The following LUC7L2 variants were observed in gnomAD, a reference collection of about 807,000 sequenced individuals.
The protein encoded by LUC7L2 is LUC7 like 2, pre-mRNA splicing factor, also known as putative RNA-binding protein Luc7-like 2.
Under a neutral mutation model 52.8 loss-of-function variants are expected in LUC7L2, and 25 were observed. That is an observed-to-expected ratio of 0.47 (90% CI 0.34 to 0.66). The LOEUF (loss-of-function observed/expected upper bound fraction) is 0.66. LUC7L2 is among the 30% of genes least tolerant of loss of function. The pLI, the probability that LUC7L2 is intolerant of heterozygous loss-of-function variation, is 0.01. For synonymous variants in LUC7L2, 144 were observed against 160.9 expected (o/e 0.89, Z 0.80); for missense variants, 328 against 497.8 (o/e 0.66, Z 3.25).
chr7:139,395,880 T>G (rs1794640014), intron 2 of LUC7L2, among the ~76,000 whole-genome samples: 1 of 152,202 alleles, frequency 6.6e-6, no homozygotes. Context: ...ACTCCTGGGC[T>G]TAAGTGATCC....
rs1469840572 is a variant in LUC7L2, at chr7:139,422,571, A to G, written c.*231A>G. 1.2e-6 allele frequency: 1 copy of G among 828,610 alleles called. No individual in the cohort carries two copies. The highest frequency in any genetic ancestry group is 3.3e-5 in the East Asian group (1 of 30,666). The allele number at this position is 828,610 out of a possible 1,614,324, so 51.3% of individuals were successfully genotyped here. On this transcript the variant is annotated 3_prime_UTR_variant, in exon 10 of 10. Transcript: ENST00000354926. Reference sequence around the variant, plus strand: ...TACAGTTCTGAAAGTACAGTTTTATATAATAAGATGCTGATCTCTTTATTC... The same window carrying G: ...TACAGTTCTGAAAGTACAGTTTTATGTAATAAGATGCTGATCTCTTTATTC...
intron 6 of LUC7L2, among the ~76,000 whole-genome samples, 167 bp downstream of exon 6, chr7:139,407,517 G>A (rs1272740070): frequency 6.6e-6 from 1 of 152,108 alleles, no homozygotes; most frequent in Admixed American, 6.5e-5. Context: ...AATGGATGCT[G>A]CCTGAGAAAC....
chr7:139,387,950 A>G (rs1174044550), intron 2 of LUC7L2, among the ~76,000 whole-genome samples: 1 of 151,862 alleles, frequency 6.6e-6, no homozygotes, highest in South Asian at 2.1e-4. Flanking sequence ...TGATTTACTT[A>G]TTGTCGTCTC....
upstream of LUC7L2, chr7:139,359,706 G>C (rs1036173965): frequency 1.0e-5 from 4 of 398,510 alleles, no homozygotes; most frequent in Non-Finnish European, 1.8e-5. Context: ...GGGCGGATCC[G>C]GCTTGCACAG....
intron 3 of LUC7L2, 85 bp downstream of exon 3, chr7:139,398,782 A>T: frequency 7.7e-7 from 1 of 1,291,914 alleles, no homozygotes; most frequent in Non-Finnish European, 1.1e-6. Flanking sequence ...AATAGGAAAA[A>T]CTCTTAGCAG....
intron 2 of LUC7L2, among the ~76,000 whole-genome samples, chr7:139,395,466 A>T (rs1013750116): frequency 2.0e-5 from 3 of 152,208 alleles, no homozygotes; most frequent in Non-Finnish European, 4.4e-5. Context: ...AAATCTCAGC[A>T]TGCTCAGTAA....
intron 1 of LUC7L2, among the ~76,000 whole-genome samples, chr7:139,360,982 A>G (rs1039370796): frequency 1.3e-5 from 2 of 152,230 alleles, no homozygotes; most frequent in Non-Finnish European, 1.5e-5. Flanking sequence ...GGCTTTGTTC[A>G]GTAAATATTG....
At chr7:139,420,931 T>G (rs1048224282) in intron 9 of LUC7L2, among the ~76,000 whole-genome samples, 1 of 152,166 alleles carries the variant, frequency 6.6e-6, no homozygotes, top group Non-Finnish European at 1.5e-5. Context: ...CCCGAGTAGC[T>G]GGGACTACAG....
chr7:139,423,346 C>G lies in LUC7L2; in HGVS notation c.*1006C>G. The G allele has an allele frequency of 2.5e-6, 1 of 398,942 alleles. No homozygotes were observed. The highest frequency in any genetic ancestry group is 4.4e-6 in the Non-Finnish European group (1 of 226,050). 24.7% of individuals were successfully genotyped at this position (398,942 alleles called of 1,614,324 possible). On this transcript the variant is annotated 3_prime_UTR_variant, in exon 10 of 10. Coordinates refer to ENST00000354926, the MANE Select transcript of LUC7L2 (RefSeq NM_016019.5). Reference sequence around the variant, plus strand: ...CTTGCTGACTATATTCCAGCCACTTCAGGGTTGTTTGTAATGACCGTTATA... The same window carrying G: ...CTTGCTGACTATATTCCAGCCACTTGAGGGTTGTTTGTAATGACCGTTATA...
intron 4 of LUC7L2, among the ~76,000 whole-genome samples, chr7:139,404,991 C>T (rs1411849528): frequency 6.6e-6 from 1 of 152,182 alleles, no homozygotes; most frequent in Non-Finnish European, 1.5e-5. Context: ...ATTTGCTGAG[C>T]ACTAGAGATA....
intron 1 of LUC7L2, among the ~76,000 whole-genome samples, chr7:139,371,856 C>T (rs1481329304): frequency 6.6e-6 from 1 of 152,120 alleles, no homozygotes. Context: ...GGCTCTGATA[C>T]ATTGGTGACA....
chr7:139,375,240 G>A, intron 1 of LUC7L2: 1 of 984,700 alleles, frequency 1.0e-6, no homozygotes, highest in Non-Finnish European at 1.2e-6. Flanking sequence ...TGAGTAGATA[G>A]CCATATTTGA....
intron 1 of LUC7L2, among the ~76,000 whole-genome samples, chr7:139,350,374 A>G (rs1007020369): frequency 2.0e-4 from 30 of 148,986 alleles, no homozygotes; most frequent in Admixed American, 8.1e-4. Flanking sequence ...ACCCGCCTCG[A>G]CCTCCCAAAG....
intron 2 of LUC7L2, among the ~76,000 whole-genome samples, chr7:139,383,010 C>T (rs985694410): frequency 3.3e-5 from 5 of 152,168 alleles, no homozygotes; most frequent in Admixed American, 1.3e-4. Context: ...ACTGCAACCT[C>T]TGCTTCCTAG....
intron 6 of LUC7L2, 99 bp downstream of exon 6, chr7:139,407,449 G>A: frequency 2.2e-6 from 3 of 1,356,368 alleles, no homozygotes; most frequent in Non-Finnish European, 2.9e-6. Flanking sequence ...CAGTAATATA[G>A]TATCTAATGA....
At chr7:139,419,530 G>A (rs1218404294) in intron 9 of LUC7L2, among the ~76,000 whole-genome samples, 1 of 152,208 alleles carries the variant, frequency 6.6e-6, no homozygotes, top group Non-Finnish European at 1.5e-5. Context: ...TCTGCACAAT[G>A]AATTTTCAGA....
chr7:139,390,873 A>G lies in LUC7L2; in HGVS notation c.157-7726A>G, dbSNP rs1794421579. Reference sequence around the variant, plus strand: ...GCCGGGCCTAGACAATGTAGTTTTTAAGTACAGGAGAATAAAGCATAAAAC... The same window carrying G: ...GCCGGGCCTAGACAATGTAGTTTTTGAGTACAGGAGAATAAAGCATAAAAC... On this transcript the variant is annotated intron_variant, in intron 2 of 9. Transcript: ENST00000354926. Among the ~76,000 whole-genome samples the G allele has an allele frequency of 2.6e-5, 4 of 152,254 alleles. No individual in the cohort carries two copies. The South Asian group carries it at 8.3e-4, about 32-fold the overall frequency.
At chr7:139,402,646 C>T (rs921334142) in intron 4 of LUC7L2, among the ~76,000 whole-genome samples, 1 of 152,176 alleles carries the variant, frequency 6.6e-6, no homozygotes, top group Non-Finnish European at 1.5e-5. Context: ...CCTCAGCCTT[C>T]TGAGTAACTG....
In LUC7L2 at chr7:139,422,416, G is replaced by T. The variant is rs894456182; in HGVS notation, c.*76G>T. 3 of 1,519,232 alleles carry T rather than the reference G, an allele frequency of 2.0e-6. No homozygotes were observed. The highest frequency in any genetic ancestry group is 2.8e-5 in the African/African-American group (2 of 72,112). 94.1% of individuals were successfully genotyped at this position (1,519,232 alleles called of 1,614,324 possible). ...TATTGTTTAGTTCACAGCTGTTCAG[G>T]GTGACAGTGAGCAGATCCAGACACC... On this transcript the variant is annotated 3_prime_UTR_variant, in exon 10 of 10. Coordinates refer to ENST00000354926, the MANE Select transcript of LUC7L2 (RefSeq NM_016019.5).
Sources: allele counts gnomAD v4.1 joint callset (sites outside exome capture counted in the v4.1 genomes callset), GRCh38; gene constraint gnomAD v4.1.1; transcripts MANE v1.5; gene names NCBI Gene and HGNC (gene_info 2026-07-23, HGNC 2026-07-21).